The following SERPINA12 variants were observed in gnomAD, a reference collection of about 807,000 sequenced individuals.
SERPINA12 encodes serpin A12.
In SERPINA12, 21 loss-of-function variants were observed where a neutral mutation model predicts 25.9. The ratio of observed to expected loss-of-function variants is 0.81; its 90% CI spans 0.58 to 1.17. The LOEUF (loss-of-function observed/expected upper bound fraction) is 1.17, where lower values mean the gene tolerates loss of function less well. Ranked by LOEUF, SERPINA12 falls within the 50% of genes most tolerant of loss-of-function variation. The pLI, the probability that SERPINA12 is intolerant of heterozygous loss-of-function variation, is 0.00. For synonymous variants in SERPINA12, 220 were observed against 196.0 expected, an observed-to-expected ratio of 1.12 and a Z score of -1.02; for missense variants, 562 against 508.3, an observed-to-expected ratio of 1.11 and a Z score of -1.02.
chr14:94,498,422 G>C lies in SERPINA12; in HGVS notation c.-25C>G. On this transcript the variant is annotated 5_prime_UTR_variant, in exon 2 of 5. Coordinates refer to ENST00000677451, the MANE Select transcript of SERPINA12 (RefSeq NM_001382267.1). ...TTTTCCTTGAAGAATATCCTGTTGAGTAGTAGACCTGAGGTCAGCAGAAAA... is the reference window on the plus strand; with the variant it reads ...TTTTCCTTGAAGAATATCCTGTTGACTAGTAGACCTGAGGTCAGCAGAAAA... 2 of 1,603,462 alleles carry C rather than the reference G, an allele frequency of 1.2e-6. No homozygotes were observed. The highest frequency in any genetic ancestry group is 1.7e-6 in the Non-Finnish European group (2 of 1,174,340).
intron 1 of SERPINA12, among the ~76,000 whole-genome samples, 63 bp downstream of exon 1, chr14:94,509,279 A>AACAC (rs3065835): frequency 0.18 from 23,833 of 134,458 alleles, 2,114 homozygotes; most frequent in Non-Finnish European, 0.19. Flanking sequence ...AGAAACAGAC[A>AACAC]ACACACACAC....
chr14:94,499,967 G>C (rs6575438), intron 1 of SERPINA12, among the ~76,000 whole-genome samples: 75,719 of 152,054 alleles, frequency 0.5, 21,074 homozygotes, highest in African/African-American at 0.77. Context: ...CTGTCAGCAG[G>C]CAACCCTCAC....
chr14:94,488,272 G>A (rs1348787553), intron 4 of SERPINA12, among the ~76,000 whole-genome samples: 1 of 152,050 alleles, frequency 6.6e-6, no homozygotes, highest in Non-Finnish European at 1.5e-5. Context: ...TGGAATCTGT[G>A]CCATCTGATT....
chr14:94,505,790 C>T (rs1046243716), intron 1 of SERPINA12, among the ~76,000 whole-genome samples: 1 of 152,170 alleles, frequency 6.6e-6, no homozygotes, highest in African/African-American at 2.4e-5. Flanking sequence ...GGTAGGGATG[C>T]CCACTGAGCG....
At chr14:94,490,675 C>A (rs1900140369) in intron 3 of SERPINA12, among the ~76,000 whole-genome samples, 1 of 152,084 alleles carries the variant, frequency 6.6e-6, no homozygotes, top group African/African-American at 2.4e-5. Flanking sequence ...CCTTTTATAG[C>A]AGCTATCTCC....
intron 2 of SERPINA12, among the ~76,000 whole-genome samples, chr14:94,515,087 C>T (rs1946502834): frequency 1.3e-5 from 2 of 152,160 alleles, no homozygotes; most frequent in Admixed American, 1.3e-4. Context: ...GTGTGCTAGG[C>T]CTGGAGTGAT....
Position 94,498,165 on chromosome 14 carries a change from C to T in SERPINA12, c.233G>A (p.Ser78Asn), listed in dbSNP as rs545704158. 6 of 1,614,156 alleles carry T rather than the reference C, an allele frequency of 3.7e-6. No individual in the cohort carries two copies. The highest frequency in any genetic ancestry group is 4.5e-5 in the East Asian group (2 of 44,868). ...PGRNIFLSPL[S>N]ISTAFSMLCL... ...CAGCATGGAGAAAGCTGTAGAGATGCTCAAGGGGGATAGGAAGATGTTCCT... is the reference window on the plus strand; with the variant it reads ...CAGCATGGAGAAAGCTGTAGAGATGTTCAAGGGGGATAGGAAGATGTTCCT... The change falls in exon 2 of 5, where the codon AGC (serine) becomes AAC (asparagine). Residue 78 changes from serine (S) to asparagine (N), a missense_variant. Physicochemically the swap from Ser to Asn is conservative, Grantham distance 46. Transcript: ENST00000677451.
upstream of SERPINA12, chr14:94,511,510 G>C (rs964260936): frequency 1.0e-6 from 1 of 985,292 alleles, no homozygotes; most frequent in African/African-American, 1.7e-5. Flanking sequence ...ATAAGGCTGC[G>C]GCTGTTAAAT....
At chr14:94,501,665 C>T (rs55779029) in intron 1 of SERPINA12, among the ~76,000 whole-genome samples, 4 of 70,494 alleles carry the variant, frequency 5.7e-5, no homozygotes, top group Non-Finnish European at 5.5e-5. Flanking sequence ...ACCACCTCCC[C>T]GCCCCCCCAC....
intron 1 of SERPINA12, among the ~76,000 whole-genome samples, chr14:94,507,023 G>C (rs1215785288): frequency 6.6e-6 from 1 of 152,228 alleles, no homozygotes; most frequent in Non-Finnish European, 1.5e-5. Flanking sequence ...TATGTGACAA[G>C]GGCATCGCTA....
chr14:94,505,442 C>T (rs1900897237), intron 1 of SERPINA12, among the ~76,000 whole-genome samples: 1 of 152,240 alleles, frequency 6.6e-6, no homozygotes, highest in Non-Finnish European at 1.5e-5. Flanking sequence ...TGCTGGGATG[C>T]ATGGGTCAAA....
At chr14:94,489,173 AAGAG>A (rs144597832) in intron 4 of SERPINA12, among the ~76,000 whole-genome samples, 3,104 of 151,164 alleles carry the variant, frequency 0.021, 97 homozygotes, top group African/African-American at 0.066. Flanking sequence ...GAAAGAAAAA[AAGAG>A]AGAGAGAGAC....
chr14:94,492,637 CA>C (rs938355374), intron 3 of SERPINA12, among the ~76,000 whole-genome samples: 1 of 152,190 alleles, frequency 6.6e-6, no homozygotes, highest in African/African-American at 2.4e-5. Context: ...TCCTGAGTAG[CA>C]GGGGGCCGTA....
intron 1 of SERPINA12, among the ~76,000 whole-genome samples, chr14:94,503,562 G>A (rs1470389737): frequency 1.3e-5 from 2 of 152,182 alleles, no homozygotes; most frequent in Non-Finnish European, 2.9e-5. Context: ...CTAGGAGGAG[G>A]GGTATGTGGG....
chr14:94,510,267 A>C (rs1595701272), upstream of SERPINA12: 1 of 985,268 alleles, frequency 1.0e-6, no homozygotes, highest in African/African-American at 1.7e-5. Flanking sequence ...TATAGACCCA[A>C]GTCCGTGCTA....
At position 94,496,409 on chromosome 14, in the gene SERPINA12, T is replaced by G. The variant is rs768252665; in HGVS notation, c.869A>C (p.Asp290Ala). 21 of 1,614,026 alleles carry G rather than the reference T, an allele frequency of 1.3e-5. No homozygotes were observed. Among genetic ancestry groups the G allele is most frequent in the Admixed American group, 1.7e-5 (1 of 59,998 alleles). Residue 290 changes from aspartate (D) to alanine (A), a missense_variant, in exon 3 of 5, where the codon GAC becomes GCC. By Grantham distance (126) the Asp-to-Ala change is moderately radical. Transcript: ENST00000677451. ...LKHLEKGLQVDTFSRWKTLLS... is the reference protein window; with the variant it reads ...LKHLEKGLQVATFSRWKTLLS... ...TAATGTTTTCCATCTGGAGAAAGTGTCCACCTGCAATCCCTTCTCCAAGTG... is the reference window on the plus strand; with the variant it reads ...TAATGTTTTCCATCTGGAGAAAGTGGCCACCTGCAATCCCTTCTCCAAGTG...
chr14:94,503,201 G>T (rs961442941), intron 1 of SERPINA12: 1 of 984,416 alleles, frequency 1.0e-6, no homozygotes, highest in African/African-American at 1.7e-5. Flanking sequence ...CTAAGTGGTG[G>T]TAAGACATAT....
upstream of SERPINA12, among the ~76,000 whole-genome samples, chr14:94,511,980 C>T (rs1004478829): frequency 6.6e-6 from 1 of 152,118 alleles, no homozygotes; most frequent in African/African-American, 2.4e-5. Flanking sequence ...CACCAGTGGT[C>T]CCAGCTACTC....
chr14:94,502,140 C>G (rs1900757438), intron 1 of SERPINA12, among the ~76,000 whole-genome samples: 1 of 151,634 alleles, frequency 6.6e-6, no homozygotes. Context: ...AAGATAGAAA[C>G]CGAACCCCAT....
Sources: gnomAD v4.1 joint callset for allele counts (sites outside exome capture counted in the v4.1 genomes callset) on GRCh38, gnomAD v4.1.1 for gene constraint, MANE v1.5 for transcripts, NCBI Gene and HGNC (gene_info 2026-07-23, HGNC 2026-07-21) for gene names.